The following GPHN variants were observed in gnomAD, a reference collection of about 807,000 sequenced individuals.
The protein encoded by GPHN is gephyrin.
Under a neutral mutation model 95.5 loss-of-function variants are expected in GPHN, and 17 were observed. The ratio of observed to expected loss-of-function variants is 0.18; its 90% CI spans 0.12 to 0.27. The LOEUF is 0.27. GPHN is among the 10% of genes least tolerant of loss of function. GPHN has a pLI of 1.00. For synonymous variants in GPHN, 320 were observed against 322.5 expected (o/e 0.99, Z 0.08); for missense variants, 660 against 978.1 (o/e 0.67, Z 4.34).
the GPHN span, among the ~76,000 whole-genome samples, chr14:67,519,655 G>A: frequency 1.3e-5 from 2 of 151,722 alleles, no homozygotes; most frequent in African/African-American, 4.8e-5. Context: ...GAAAGTCCAG[G>A]ACAAGGGGAA....
chr14:67,583,864 G>T, the GPHN span: 1 of 1,613,706 alleles, frequency 6.2e-7, no homozygotes, highest in Non-Finnish European at 8.5e-7. Flanking sequence ...TAGACATGGG[G>T]CCCCCGCTGA....
intron 4 of GPHN, among the ~76,000 whole-genome samples, chr14:66,825,637 C>G (rs1378252281): frequency 6.8e-6 from 1 of 148,036 alleles, no homozygotes; most frequent in African/African-American, 2.5e-5. Context: ...CATATTTTCA[C>G]TATATGAAAA....
Position 66,508,364 on chromosome 14 carries a change from C to T in GPHN, c.-164C>T. 1.4e-6 allele frequency: 1 copy of T among 705,650 alleles called. No individual in the cohort carries two copies. 43.7% of individuals were successfully genotyped at this position (705,650 alleles called of 1,614,324 possible). On this transcript the variant is annotated 5_prime_UTR_variant, in exon 1 of 23. Transcript: ENST00000478722. ...CTCCCGGCGCGGCCTCTCCCCCACG[C>T]AGGCCACCGTGCACTCTGTGGCCTC... is the stretch of plus-strand genomic sequence containing the variant.
At chr14:67,448,170 G>T in the GPHN span, among the ~76,000 whole-genome samples, 1 of 87,250 alleles carries the variant, frequency 1.1e-5, no homozygotes, top group Non-Finnish European at 2.0e-5. Flanking sequence ...ACGGAGTCTT[G>T]CTCTGTCACC....
At chr14:67,634,594 CA>C in the GPHN span, among the ~76,000 whole-genome samples, 2,184 of 115,258 alleles carry the variant, frequency 0.019, 33 homozygotes, top group African/African-American at 0.061. Flanking sequence ...ACCGTGTCTC[CA>C]AAAAAAAAAA....
intron 9 of GPHN, among the ~76,000 whole-genome samples, chr14:67,016,474 T>G (rs1414651959): frequency 6.6e-6 from 1 of 152,062 alleles, no homozygotes; most frequent in Non-Finnish European, 1.5e-5. Context: ...TGTGATTTGT[T>G]GCCTGAGCTC....
the GPHN span, among the ~76,000 whole-genome samples, chr14:67,422,362 T>G: frequency 1.3e-5 from 2 of 152,176 alleles, no homozygotes; most frequent in African/African-American, 4.8e-5. Context: ...CCCTGGTGTC[T>G]TCCCCCGTGT....
At chr14:66,557,237 G>GTAGGTAGA (rs1555342946) in intron 1 of GPHN, among the ~76,000 whole-genome samples, 6 of 141,892 alleles carry the variant, frequency 4.2e-5, no homozygotes, top group Admixed American at 1.4e-4. Context: ...ACATAGGTAG[G>GTAGGTAGA]TAGATAGATA....
the GPHN span, among the ~76,000 whole-genome samples, chr14:67,443,640 C>A: frequency 6.6e-6 from 1 of 151,844 alleles, no homozygotes; most frequent in African/African-American, 2.4e-5. Context: ...CAGTGGTGCA[C>A]ACCTCCAGTC....
At chr14:66,604,643 CAT>C (rs2062425882) in intron 1 of GPHN, among the ~76,000 whole-genome samples, 1 of 151,966 alleles carries the variant, frequency 6.6e-6, no homozygotes, top group Admixed American at 6.6e-5. Flanking sequence ...CTCAGAAATG[CAT>C]ATGTCTGATT....
chr14:66,822,875 T>C (rs1006568649), intron 3 of GPHN, among the ~76,000 whole-genome samples: 3 of 152,200 alleles, frequency 2.0e-5, no homozygotes, highest in Admixed American at 2.0e-4. Context: ...GGCATTTCAC[T>C]ACCGTAATGG....
chr14:66,519,722 A>T (rs75373040), intron 1 of GPHN, among the ~76,000 whole-genome samples: 2,022 of 152,190 alleles, frequency 0.013, 21 homozygotes, highest in Middle Eastern at 0.02. Context: ...TTCACTCCCT[A>T]ACTCTGTAGC....
At chr14:67,565,666 G>A in the GPHN span, among the ~76,000 whole-genome samples, 1 of 152,164 alleles carries the variant, frequency 6.6e-6, no homozygotes, top group African/African-American at 2.4e-5. Flanking sequence ...ATGCTGCTGG[G>A]GTGTGTAGCA....
chr14:66,612,804 A>G (rs1296484366), intron 1 of GPHN, among the ~76,000 whole-genome samples: 1 of 152,050 alleles, frequency 6.6e-6, no homozygotes, highest in Non-Finnish European at 1.5e-5. Context: ...TGTAAATGGA[A>G]TTACACTCTG....
chr14:67,446,033 TGG>T, the GPHN span: 1 of 518,254 alleles, frequency 1.9e-6, no homozygotes, highest in Non-Finnish European at 3.9e-6. Context: ...TTCATTTTAA[TGG>T]CAAGATGGGA....
intron 8 of GPHN, among the ~76,000 whole-genome samples, chr14:66,947,221 G>A (rs967601629): frequency 6.6e-6 from 1 of 152,000 alleles, no homozygotes; most frequent in Non-Finnish European, 1.5e-5. Flanking sequence ...TACTTAAAAT[G>A]TTCTTAAACC....
At chr14:66,920,592 AT>A (rs1011938051) in intron 6 of GPHN, among the ~76,000 whole-genome samples, 2 of 138,890 alleles carry the variant, frequency 1.4e-5, no homozygotes, top group South Asian at 2.2e-4. Context: ...CCTCAGTCTT[AT>A]TTTTTTTTAT....
chr14:67,461,496 T>C, the GPHN span, among the ~76,000 whole-genome samples: 1 of 152,212 alleles, frequency 6.6e-6, no homozygotes, highest in South Asian at 2.1e-4. Context: ...CCTGGAGCAA[T>C]CTAGCCCCTT....
chr14:67,517,823 G>A, the GPHN span, among the ~76,000 whole-genome samples: 63,535 of 152,076 alleles, frequency 0.42, 13,868 homozygotes, highest in East Asian at 0.49. Context: ...GGTTTGGTCA[G>A]GGTTAGAGTG....
Sources: gnomAD v4.1 joint callset for allele counts (sites outside exome capture counted in the v4.1 genomes callset) on GRCh38, gnomAD v4.1.1 for gene constraint, MANE v1.5 for transcripts, NCBI Gene and HGNC (gene_info 2026-07-23, HGNC 2026-07-21) for gene names.